The following SLCO3A1 variants were observed in gnomAD, a reference collection of about 807,000 sequenced individuals.
The protein encoded by SLCO3A1 is solute carrier organic anion transporter family member 3A1, also known as PGE1 transporter.
In SLCO3A1, 27 loss-of-function variants were observed where a neutral mutation model predicts 63.1. The ratio of observed to expected loss-of-function variants is 0.43; its 90% CI spans 0.32 to 0.59. The LOEUF (loss-of-function observed/expected upper bound fraction) is 0.59. SLCO3A1 is among the 20% of genes least tolerant of loss of function. The pLI, the probability that SLCO3A1 is intolerant of heterozygous loss-of-function variation, is 0.09. For missense variants in SLCO3A1, 773 were observed against 945.8 expected (o/e 0.82, Z 2.40); for synonymous variants, 473 against 409.9 (o/e 1.15, Z -1.86).
rs191080444 is a variant in SLCO3A1 at position 92,050,574 on chromosome 15, C to T, written c.647-44307C>T. ...TACGTGTCAGTAAATGCTCTCAGCTCTGTCTCCAAATTACACCCCAACCCA... is the reference window on the plus strand; with the variant it reads ...TACGTGTCAGTAAATGCTCTCAGCTTTGTCTCCAAATTACACCCCAACCCA... On this transcript the variant is annotated intron_variant, in intron 2 of 9. Coordinates refer to ENST00000318445, the MANE Select transcript of SLCO3A1 (RefSeq NM_013272.4). 4.1e-4 allele frequency among the ~76,000 whole-genome samples: 62 copies of T among 152,300 alleles called. No individual in the cohort carries two copies. In the East Asian group the frequency reaches 7.7e-3, roughly 19 times the overall value.
chr15:92,036,435 T>C (rs2046728279), intron 2 of SLCO3A1, among the ~76,000 whole-genome samples: 1 of 151,646 alleles, frequency 6.6e-6, no homozygotes, highest in South Asian at 2.1e-4. Context: ...CGCCAAGAAT[T>C]AAGGGACTCT....
intron 1 of SLCO3A1, among the ~76,000 whole-genome samples, chr15:91,893,074 A>G (rs1340302276): frequency 1.3e-5 from 2 of 152,252 alleles, no homozygotes; most frequent in Non-Finnish European, 2.9e-5. Context: ...CTAGAACTCA[A>G]ATAGAGCTTT....
chr15:91,905,482 G>C (rs72750081), intron 1 of SLCO3A1, among the ~76,000 whole-genome samples: 9,850 of 151,810 alleles, frequency 0.065, 443 homozygotes, highest in Non-Finnish European at 0.099. Context: ...TTATACTATT[G>C]GTTTTTAATT....
In SLCO3A1 at chr15:91,968,954, A is replaced by G. The variant is rs1245579173; in HGVS notation, c.646+52496A>G. On this transcript the variant is annotated intron_variant, in intron 2 of 9. Transcript: ENST00000318445. This position sits in a 1 kb window ranked among gnomAD's most constrained non-coding sequence, Gnocchi z 4.2. ...GTCAGCTCAGAGGTCCCTTCCTCTCAGAAGCCATCTCTGCCTCCACCTACC... is the reference window on the plus strand; with the variant it reads ...GTCAGCTCAGAGGTCCCTTCCTCTCGGAAGCCATCTCTGCCTCCACCTACC... Among the ~76,000 whole-genome samples, 1 of 152,164 alleles carries G rather than the reference A, an allele frequency of 6.6e-6. No individual in the cohort carries two copies. Among genetic ancestry groups the G allele is most frequent in the Non-Finnish European group, 1.5e-5 (1 of 68,028 alleles).
chr15:91,915,276 G>A (rs955146638), intron 1 of SLCO3A1, among the ~76,000 whole-genome samples: 2 of 151,964 alleles, frequency 1.3e-5, no homozygotes, highest in Non-Finnish European at 2.9e-5. Flanking sequence ...GCAGATGTTC[G>A]GTATATGTTT....
At chr15:92,107,141 A>G (rs1055810701) in intron 4 of SLCO3A1, among the ~76,000 whole-genome samples, 5 of 152,202 alleles carry the variant, frequency 3.3e-5, no homozygotes, top group African/African-American at 1.2e-4. Flanking sequence ...GGCCATATTG[A>G]TTACAAATTG....
At chr15:92,073,794 A>G (rs539384769) in intron 2 of SLCO3A1, among the ~76,000 whole-genome samples, 1 of 152,212 alleles carries the variant, frequency 6.6e-6, no homozygotes, top group African/African-American at 2.4e-5. Flanking sequence ...CCATTGTGAC[A>G]AGCAAAACTG....
In SLCO3A1 at chr15:91,925,674, T is replaced by G. The variant is rs547806794; in HGVS notation, c.646+9216T>G. Among the ~76,000 whole-genome samples, 5 of 152,178 alleles carry G rather than the reference T, an allele frequency of 3.3e-5. No homozygotes were observed. The South Asian group carries it at 1.0e-3, about 32-fold the overall frequency. On this transcript the variant is annotated intron_variant, in intron 2 of 9. Transcript: ENST00000318445. Reference sequence around the variant, plus strand: ...GGCGAGAGAAGTGGACTGAGAGAAATGGACCATCTTCTCTTGTAGGACTGC... The same window carrying G: ...GGCGAGAGAAGTGGACTGAGAGAAAGGGACCATCTTCTCTTGTAGGACTGC...
At chr15:91,901,577 C>T (rs1898158290) in intron 1 of SLCO3A1, among the ~76,000 whole-genome samples, 2 of 152,092 alleles carry the variant, frequency 1.3e-5, no homozygotes, top group South Asian at 2.1e-4. Flanking sequence ...TCTAGGAATA[C>T]CTTTATTTTG....
At chr15:92,124,356 G>A (rs1596121995) in intron 5 of SLCO3A1, among the ~76,000 whole-genome samples, 1 of 152,278 alleles carries the variant, frequency 6.6e-6, no homozygotes, top group Middle Eastern at 3.4e-3. Flanking sequence ...CAATGGCTTG[G>A]AGAAAAGGTG....
chr15:92,011,524 T>C (rs2046368657), intron 2 of SLCO3A1, among the ~76,000 whole-genome samples: 1 of 152,088 alleles, frequency 6.6e-6, no homozygotes, highest in African/African-American at 2.4e-5. Flanking sequence ...AAAAAAAAAA[T>C]TCCATCTTAT....
At chr15:91,985,422 T>G (rs1315543157) in intron 2 of SLCO3A1, among the ~76,000 whole-genome samples, 1 of 152,226 alleles carries the variant, frequency 6.6e-6, no homozygotes, top group Non-Finnish European at 1.5e-5. Context: ...AGTGTCTCTG[T>G]GAGCATTACT....
intron 2 of SLCO3A1, among the ~76,000 whole-genome samples, chr15:92,012,486 G>A (rs2046379672): frequency 6.6e-6 from 1 of 152,200 alleles, no homozygotes; most frequent in South Asian, 2.1e-4. Context: ...AATACATAAA[G>A]CCAGACCCAG....
chr15:91,980,378 A>G (rs576690932), intron 2 of SLCO3A1, among the ~76,000 whole-genome samples: 22 of 151,866 alleles, frequency 1.4e-4, no homozygotes, highest in African/African-American at 4.8e-4. Context: ...CCAGTTTTGA[A>G]GATACTGGAG....
downstream of SLCO3A1, among the ~76,000 whole-genome samples, chr15:92,167,447 C>A (rs2048499591): frequency 6.6e-6 from 1 of 152,214 alleles, no homozygotes; most frequent in South Asian, 2.1e-4. Flanking sequence ...TAGTTCAAGA[C>A]CCAAATATAG....
At position 92,171,778 on chromosome 15, in the gene SLCO3A1, A is replaced by G. The variant is rs1280210957; in HGVS notation, c.1997-2A>G. On this transcript the variant is annotated splice_acceptor_variant, in intron 10 of 10. Transcript: ENST00000424469. LOFTEE classifies it high-confidence loss of function. ...GGCTCTTCTTCCCTCCTCCCCCTTTAGGCACAGAGTACCAAGACATTGAGA... is the reference window on the plus strand; with the variant it reads ...GGCTCTTCTTCCCTCCTCCCCCTTTGGGCACAGAGTACCAAGACATTGAGA... The G allele has an allele frequency of 6.5e-7, 1 of 1,548,918 alleles. No individual in the cohort carries two copies. Among genetic ancestry groups the G allele is most frequent in the Non-Finnish European group, 8.7e-7 (1 of 1,144,576 alleles).
intron 2 of SLCO3A1, among the ~76,000 whole-genome samples, chr15:92,026,164 C>T (rs1312607320): frequency 1.3e-5 from 2 of 152,112 alleles, no homozygotes; most frequent in African/African-American, 4.8e-5. Context: ...TCTGTTTCTC[C>T]ATCCGGTAAC....
chr15:92,019,725 C>T (rs2046483824), intron 2 of SLCO3A1, among the ~76,000 whole-genome samples: 2 of 152,186 alleles, frequency 1.3e-5, no homozygotes, highest in Non-Finnish European at 2.9e-5. Flanking sequence ...GAAAGGGAGG[C>T]CTTTGTCCCT....
rs545153924 is a variant in SLCO3A1 at position 92,000,900 on chromosome 15, C to G, written c.646+84442C>G. Among the ~76,000 whole-genome samples the G allele has an allele frequency of 8.5e-5, 13 of 152,262 alleles. 1 individual carries two copies. The South Asian group carries it at 2.7e-3, about 32-fold the overall frequency. On this transcript the variant is annotated intron_variant, in intron 2 of 9. Coordinates refer to ENST00000318445, the MANE Select transcript of SLCO3A1 (RefSeq NM_013272.4). ...CTTGGCAACTTGGGATGCTCTGTCTCCTGCTGAGTCTGGGGTAGTTGGAGG... is the reference window on the plus strand; with the variant it reads ...CTTGGCAACTTGGGATGCTCTGTCTGCTGCTGAGTCTGGGGTAGTTGGAGG...
Sources: gnomAD v4.1 joint callset for allele counts (sites outside exome capture counted in the v4.1 genomes callset) on GRCh38, gnomAD v4.1.1 for gene constraint, Gnocchi (gnomAD v3.1) non-coding constraint, MANE v1.5 for transcripts, NCBI Gene and HGNC (gene_info 2026-07-23, HGNC 2026-07-21) for gene names.